FOXN3: variants seen among roughly 807,000 people sequenced by gnomAD.
FOXN3 encodes the protein forkhead box protein N3.
A neutral mutation model predicts 38.4 loss-of-function variants in FOXN3; 7 were observed. That is an observed-to-expected ratio of 0.18 (90% CI 0.10 to 0.34). FOXN3 has a LOEUF of 0.34. Among genes scored for constraint, FOXN3 ranks in the 10% least tolerant of loss-of-function variants. The pLI is 1.00. For missense variants in FOXN3, 456 were observed against 613.4 expected (o/e 0.74, Z 2.71); for synonymous variants, 230 against 242.2 (o/e 0.95, Z 0.47).
chr14:89,376,893 A>G (rs1890491751), intron 2 of FOXN3, among the ~76,000 whole-genome samples: 1 of 151,670 alleles, frequency 6.6e-6, no homozygotes, highest in South Asian at 2.1e-4. Context: ...AGGCGCCTGT[A>G]ATCCCAGCTA....
intron 4 of FOXN3, among the ~76,000 whole-genome samples, chr14:89,191,503 G>C (rs1887941435): frequency 6.6e-6 from 1 of 152,062 alleles, no homozygotes; most frequent in African/African-American, 2.4e-5. Context: ...CTAATGATGG[G>C]GGACAAGGGG....
At chr14:89,375,037 A>T (rs1429639983) in intron 2 of FOXN3, among the ~76,000 whole-genome samples, 1 of 152,076 alleles carries the variant, frequency 6.6e-6, no homozygotes. Context: ...TCTAGAAAAA[A>T]ACTAATCTAC....
chr14:89,242,100 G>A (rs1454589400), intron 4 of FOXN3, among the ~76,000 whole-genome samples: 1 of 152,162 alleles, frequency 6.6e-6, no homozygotes, highest in Non-Finnish European at 1.5e-5. Flanking sequence ...AGGATATTTG[G>A]CTTGAATGCC....
chr14:89,235,804 G>C (rs1013674008), intron 4 of FOXN3, among the ~76,000 whole-genome samples: 6 of 137,348 alleles, frequency 4.4e-5, no homozygotes, highest in African/African-American at 1.1e-4. Flanking sequence ...GAGGAATGCA[G>C]GCAGCCTCTA....
chr14:89,416,157 C>G (rs892342283), intron 1 of FOXN3, among the ~76,000 whole-genome samples: 7 of 152,188 alleles, frequency 4.6e-5, no homozygotes, highest in African/African-American at 1.4e-4. Flanking sequence ...GCTTCACTCT[C>G]GTCTACTGTA....
intron 1 of FOXN3, among the ~76,000 whole-genome samples, chr14:89,503,765 G>A (rs148038836): frequency 2.0e-3 from 310 of 152,230 alleles, no homozygotes; most frequent in African/African-American, 6.9e-3. Context: ...TTTGGTCACT[G>A]GTGAAGGAGA....
At chr14:89,231,674 G>C (rs558930678) in intron 4 of FOXN3, among the ~76,000 whole-genome samples, 3 of 152,082 alleles carry the variant, frequency 2.0e-5, no homozygotes, top group African/African-American at 4.8e-5. Context: ...CAGAACCTTC[G>C]CATCTGGAGA....
rs58769284 is a variant in FOXN3, at chr14:89,555,882, G to GTGTGTGTGTGTGTGT, written c.-15+63145_-15+63146insACACACACACACACA. On this transcript the variant is annotated intron_variant, in intron 1 of 6. Coordinates refer to the FOXN3 transcript ENST00000345097. ...GTGTGTGTGTGTGTGTGTGTATGTG[G>GTGTGTGTGTGTGTGT]GGGTGTATGTGGGGGTGTGTGTGTT... Among the ~76,000 whole-genome samples, 257 of 104,648 alleles carry GTGTGTGTGTGTGTGT rather than the reference G, an allele frequency of 2.5e-3. 9 individuals carry two copies. The highest frequency in any genetic ancestry group is 4.2e-3 in the African/African-American group (133 of 31,348). The allele number at this position is 104,648 out of a possible 152,430, so 68.7% of individuals were successfully genotyped here.
rs372989965 is a variant in FOXN3 at position 89,547,138 on chromosome 14, T to C, written c.-15+71890A>G. Among the ~76,000 whole-genome samples the C allele has an allele frequency of 1.4e-4, 21 of 152,366 alleles. No homozygotes were observed. The East Asian group carries it at 3.7e-3, about 27-fold the overall frequency. ...GGCTGGGCAAGGTGGCTCACGCCTG[T>C]AATCAGATTGCTGATGGGAATGTGA... On this transcript the variant is annotated intron_variant, in intron 1 of 6. Transcript: ENST00000345097.
In FOXN3 at chr14:89,164,416, G is replaced by C. The variant is rs1887186808; in HGVS notation, c.852-1447C>G. On this transcript the variant is annotated intron_variant, in intron 5 of 5. Transcript: ENST00000557258. The surrounding 1 kb of genome is among the most constrained non-coding windows in gnomAD (Gnocchi z 4.3). ...CATCTACCTCGTGATCCATTTCTAAGAGTTCTGGGGAACATGACCATACTT... is the reference window on the plus strand; with the variant it reads ...CATCTACCTCGTGATCCATTTCTAACAGTTCTGGGGAACATGACCATACTT... Among the ~76,000 whole-genome samples, 1 of 152,286 alleles carries C rather than the reference G, an allele frequency of 6.6e-6. No individual in the cohort carries two copies. Among genetic ancestry groups the C allele is most frequent in the East Asian group, 1.9e-4 (1 of 5,182 alleles).
intron 1 of FOXN3, among the ~76,000 whole-genome samples, chr14:89,433,411 G>A (rs969997727): frequency 6.6e-6 from 1 of 152,230 alleles, no homozygotes; most frequent in Non-Finnish European, 1.5e-5. Context: ...GAACTCAGGA[G>A]GCTGAGGTTG....
chr14:89,578,228 C>A (rs1895674344), intron 1 of FOXN3, among the ~76,000 whole-genome samples: 1 of 152,198 alleles, frequency 6.6e-6, no homozygotes, highest in Non-Finnish European at 1.5e-5. Flanking sequence ...TACAGTGTGT[C>A]CAGCCCTGTG....
At chr14:89,290,570 C>G (rs1158112525) in intron 3 of FOXN3, 1 of 556,526 alleles carries the variant, frequency 1.8e-6, no homozygotes, top group East Asian at 5.0e-5. Flanking sequence ...CTTGTTTCAG[C>G]TCAGTCTCTG....
chr14:89,569,193 A>C (rs2139892085), intron 1 of FOXN3, among the ~76,000 whole-genome samples: 1 of 152,048 alleles, frequency 6.6e-6, no homozygotes, highest in East Asian at 1.9e-4. Flanking sequence ...GGACAGAGCG[A>C]GACTCCGTCT....
At chr14:89,291,283 T>G in intron 3 of FOXN3, 1 of 458,024 alleles carries the variant, frequency 2.2e-6, no homozygotes, top group Non-Finnish European at 4.3e-6. Flanking sequence ...TCTTTTCTGA[T>G]TTGGGTTTCA....
At chr14:89,380,568 G>A (rs1430468363) in intron 2 of FOXN3, among the ~76,000 whole-genome samples, 7 of 152,174 alleles carry the variant, frequency 4.6e-5, no homozygotes, top group Admixed American at 3.9e-4. Flanking sequence ...CGTACACCGT[G>A]CCCGTCTGTG....
At position 89,164,585 on chromosome 14, in the gene FOXN3, C is replaced by T. The variant is rs1887191734; in HGVS notation, c.852-1616G>A. Among the ~76,000 whole-genome samples the T allele has an allele frequency of 6.6e-6, 1 of 152,266 alleles. No individual in the cohort carries two copies. Among genetic ancestry groups the T allele is most frequent in the South Asian group, 2.1e-4 (1 of 4,822 alleles). ...CAGGGTGTGGTTACTGCTAGGCCCC[C>T]AGTGGCTATCGCCGTGTCAGCACGG... On this transcript the variant is annotated intron_variant, in intron 5 of 5. Transcript: ENST00000557258. The surrounding 1 kb of genome is among the most constrained non-coding windows in gnomAD (Gnocchi z 4.3).
chr14:89,174,393 G>T (rs958027863), intron 5 of FOXN3, among the ~76,000 whole-genome samples: 6 of 152,110 alleles, frequency 3.9e-5, no homozygotes, highest in Non-Finnish European at 7.4e-5. Context: ...TAATATCCAG[G>T]GGGACCACAA....
chr14:89,175,777 A>G (rs754045206), intron 5 of FOXN3, among the ~76,000 whole-genome samples: 5 of 152,154 alleles, frequency 3.3e-5, no homozygotes, highest in Non-Finnish European at 7.3e-5. Flanking sequence ...TGGACATGTC[A>G]TTCTTTTCTG....
Sources: allele counts gnomAD v4.1 joint callset (sites outside exome capture counted in the v4.1 genomes callset), GRCh38; gene constraint gnomAD v4.1.1; non-coding constraint Gnocchi (gnomAD v3.1); transcripts MANE v1.5; gene names NCBI Gene and HGNC (gene_info 2026-07-23, HGNC 2026-07-21).